The following DHRSX variants were observed in gnomAD, a reference collection of about 807,000 sequenced individuals.
The protein encoded by DHRSX is polyprenol dehydrogenase.
DHRSX carries 31 observed loss-of-function variants against 34.0 expected under a neutral mutation model. The ratio of observed to expected loss-of-function variants is 0.91; its 90% CI spans 0.69 to 1.23. The LOEUF is 1.23. DHRSX is among the 50% of genes most tolerant of loss of function. The pLI is 0.00. For missense variants in DHRSX, 414 were observed against 428.1 expected (o/e 0.97, Z 0.29); for synonymous variants, 201 against 183.8 (o/e 1.09, Z -0.76).
chrX:2,312,360 G>A (rs2042174104), intron 3 of DHRSX, among the ~76,000 whole-genome samples: 1 of 152,088 alleles, frequency 6.6e-6, no homozygotes, highest in African/African-American at 2.4e-5. Flanking sequence ...TAAAGAAAAT[G>A]TGGCACGTAG....
At chrX:2,325,513 A>G (rs2042374555) in intron 3 of DHRSX, among the ~76,000 whole-genome samples, 1 of 152,210 alleles carries the variant, frequency 6.6e-6, no homozygotes, top group Non-Finnish European at 1.5e-5. Flanking sequence ...AGTAAGAAAA[A>G]CAGGACCGAG....
At chrX:2,445,582 A>G (rs1416507578) in intron 1 of DHRSX, among the ~76,000 whole-genome samples, 1 of 151,880 alleles carries the variant, frequency 6.6e-6, no homozygotes, top group African/African-American at 2.4e-5. Context: ...TTTCCCTAAG[A>G]ATGCGGCCAA....
At chrX:2,346,653 T>TTGTTG (rs71309484) in intron 3 of DHRSX, among the ~76,000 whole-genome samples, 31,541 of 150,740 alleles carry the variant, frequency 0.21, 4,101 homozygotes, top group Admixed American at 0.31. Context: ...TGGTTTTTTT[T>TTGTTG]TTGTTGTTGT....
At chrX:2,257,920 C>T (rs778870265) in intron 5 of DHRSX, among the ~76,000 whole-genome samples, 1 of 152,294 alleles carries the variant, frequency 6.6e-6, no homozygotes, top group Admixed American at 6.5e-5. Flanking sequence ...AGCCACCATG[C>T]CCGGCCGGAG....
rs759084618 is a variant in DHRSX at position 2,400,426 on chromosome X, G to A, written c.286+8319C>T. Reference sequence around the variant, plus strand: ...GTCTGCCTCCTGACTTGGAGTTCTCGCTCTGTTTGATGATGAAGACCAGTA... The same window carrying A: ...GTCTGCCTCCTGACTTGGAGTTCTCACTCTGTTTGATGATGAAGACCAGTA... On this transcript the variant is annotated intron_variant, in intron 3 of 6. Coordinates refer to ENST00000334651, the MANE Select transcript of DHRSX (RefSeq NM_145177.3). Among the ~76,000 whole-genome samples the A allele has an allele frequency of 2.4e-3, 362 of 152,170 alleles. 3 individuals carry two copies. The highest frequency in any genetic ancestry group is 4.2e-3 in the Non-Finnish European group (289 of 68,008).
intron 5 of DHRSX, among the ~76,000 whole-genome samples, chrX:2,255,936 TAAAAC>T (rs1186784552): frequency 1.1e-4 from 16 of 149,944 alleles, no homozygotes; most frequent in African/African-American, 3.2e-4. Context: ...TAAAATAAAA[TAAAAC>T]AAAACAAATT....
At chrX:2,427,344 G>C (rs1025607638) in intron 1 of DHRSX, among the ~76,000 whole-genome samples, 1 of 152,208 alleles carries the variant, frequency 6.6e-6, no homozygotes, top group African/African-American at 2.4e-5. Flanking sequence ...CTGGCAGACA[G>C]GGCGTCATCA....
chrX:2,485,154 G>C (rs2044855493), intron 1 of DHRSX, among the ~76,000 whole-genome samples: 1 of 152,150 alleles, frequency 6.6e-6, no homozygotes, highest in Admixed American at 6.5e-5. Context: ...TGCGGAAGGA[G>C]TGCCACACAG....
At chrX:2,471,220 C>G (rs1415138166) in intron 1 of DHRSX, among the ~76,000 whole-genome samples, 1 of 152,056 alleles carries the variant, frequency 6.6e-6, no homozygotes, top group Non-Finnish European at 1.5e-5. Context: ...TTTATATGAC[C>G]ATGACCCAAG....
chrX:2,381,664 G>A (rs2043203997), intron 3 of DHRSX, among the ~76,000 whole-genome samples: 1 of 152,010 alleles, frequency 6.6e-6, no homozygotes, highest in Admixed American at 6.6e-5. Flanking sequence ...AAAAGAGCCA[G>A]AAGCAAAATG....
chrX:2,258,663 T>C (rs767796216), intron 5 of DHRSX, among the ~76,000 whole-genome samples: 1 of 152,254 alleles, frequency 6.6e-6, no homozygotes, highest in African/African-American at 2.4e-5. Flanking sequence ...AGCCACTAGG[T>C]CCGTGGTATT....
intron 3 of DHRSX, among the ~76,000 whole-genome samples, chrX:2,365,653 C>T (rs913447777): frequency 1.8e-4 from 28 of 152,108 alleles, no homozygotes; most frequent in African/African-American, 6.3e-4. Flanking sequence ...TAAATCCTCA[C>T]ATGCTTTCAC....
At chrX:2,235,195 C>T (rs1216606740) in intron 6 of DHRSX, among the ~76,000 whole-genome samples, 1 of 152,172 alleles carries the variant, frequency 6.6e-6, no homozygotes, top group Non-Finnish European at 1.5e-5. Context: ...AAACACTGAT[C>T]CTGCCATGTT....
At chrX:2,227,531 AAGG>A (rs1452369471) in intron 6 of DHRSX, among the ~76,000 whole-genome samples, 2 of 137,056 alleles carry the variant, frequency 1.5e-5, no homozygotes, top group Admixed American at 7.3e-5. Context: ...GCAGAGAAGA[AAGG>A]AGGGAGGAAG....
chrX:2,476,360 T>C (rs943331296), intron 1 of DHRSX, among the ~76,000 whole-genome samples: 1 of 149,564 alleles, frequency 6.7e-6, no homozygotes, highest in Non-Finnish European at 1.5e-5. Context: ...ATTGAGCCAT[T>C]GCACTCCAGC....
At chrX:2,484,910 G>C (rs1237736970) in intron 1 of DHRSX, among the ~76,000 whole-genome samples, 1 of 151,770 alleles carries the variant, frequency 6.6e-6, no homozygotes, top group Non-Finnish European at 1.5e-5. Context: ...CGGCACCCCA[G>C]AAACAGCCCA....
At chrX:2,449,826 G>C (rs2044191417) in intron 1 of DHRSX, among the ~76,000 whole-genome samples, 1 of 152,048 alleles carries the variant, frequency 6.6e-6, no homozygotes, top group African/African-American at 2.4e-5. Flanking sequence ...ATTTTTAGTA[G>C]AGATGGAGTT....
intron 1 of DHRSX, among the ~76,000 whole-genome samples, chrX:2,459,712 C>G (rs1340479768): frequency 6.6e-6 from 1 of 151,968 alleles, no homozygotes; most frequent in African/African-American, 2.4e-5. Context: ...ACAGCTATGA[C>G]ATATTTAACG....
intron 3 of DHRSX, among the ~76,000 whole-genome samples, chrX:2,346,701 C>T (rs2042719082): frequency 6.6e-6 from 1 of 151,618 alleles, no homozygotes; most frequent in African/African-American, 2.4e-5. Flanking sequence ...ATGTGCAGAA[C>T]ATGCAGGTTA....
Sources: allele counts gnomAD v4.1 joint callset (sites outside exome capture counted in the v4.1 genomes callset), GRCh38; gene constraint gnomAD v4.1.1; transcripts MANE v1.5; gene names NCBI Gene and HGNC (gene_info 2026-07-23, HGNC 2026-07-21).